The following IFT22 variants were observed in gnomAD, a reference collection of about 807,000 sequenced individuals.
IFT22 encodes intraflagellar transport 22.
IFT22 carries 13 observed loss-of-function variants against 21.0 expected under a neutral mutation model. The observed-to-expected ratio is 0.62, with a 90% CI of 0.40 to 0.98. IFT22 has a LOEUF of 0.98. IFT22 is among the 50% of genes least tolerant of loss of function. The pLI, the probability that IFT22 is intolerant of heterozygous loss-of-function variation, is 0.00. For synonymous variants in IFT22, 67 were observed against 82.4 expected (o/e 0.81, Z 1.01); for missense variants, 227 against 228.9 (o/e 0.99, Z 0.06).
chr7:101,315,271 T>C lies in IFT22; in HGVS notation c.421A>G (p.Asn141Asp). 1 of 1,614,152 alleles carries C rather than the reference T, an allele frequency of 6.2e-7. No homozygotes were observed. Among genetic ancestry groups the C allele is most frequent in the Non-Finnish European group, 8.5e-7 (1 of 1,180,028 alleles). ...TTTGAGTGCACCAGCTTCAGCTTGT[T>C]CAAGGGTGGCGCTTGAAAATGAAGA... is the stretch of plus-strand genomic sequence containing the variant. ...KGSLSLSPPL[N>D]KLKLVHSNLE... The change falls in exon 5 of 5, where the codon AAC (asparagine) becomes GAC (aspartate). Residue 141 changes from asparagine to aspartate, a missense_variant. By Grantham distance (23) the Asn-to-Asp change is conservative. Coordinates refer to ENST00000315322, the MANE Select transcript of IFT22 (RefSeq NM_022777.4).
chr7:101,318,843 C>G, intron 2 of IFT22, 113 bp downstream of exon 2: 1 of 797,986 alleles, frequency 1.3e-6, no homozygotes, highest in Non-Finnish European at 2.2e-6. Context: ...CCTATATTGC[C>G]CAGGCCTCAG....
In IFT22 at chr7:101,312,004, A is replaced by G. The variant is rs1421583537; in HGVS notation, c.*3130T>C. ...AAAAAAATCTCCTAAGATGATTAAA[A>G]CAAACTTGCTTCTACAATAAACCGT... On this transcript the variant is annotated 3_prime_UTR_variant, in exon 5 of 5. Coordinates refer to ENST00000315322, the MANE Select transcript of IFT22 (RefSeq NM_022777.4). Among the ~76,000 whole-genome samples, 2 of 152,284 alleles carry G rather than the reference A, an allele frequency of 1.3e-5. No individual in the cohort carries two copies. The highest frequency in any genetic ancestry group is 3.9e-4 in the East Asian group (2 of 5,184).
In IFT22 at chr7:101,315,055, G is replaced by T. The variant is rs1223239767; in HGVS notation, c.*79C>A. ...AGTCAGAGGGAGAAGAAAACATCAG[G>T]AGCTGGATGTGATTTCAGATCTGCA... On this transcript the variant is annotated 3_prime_UTR_variant, in exon 5 of 5. Transcript: ENST00000315322. 2.0e-6 allele frequency: 3 copies of T among 1,473,324 alleles called. No homozygotes were observed. The highest frequency in any genetic ancestry group is 2.8e-6 in the Non-Finnish European group (3 of 1,084,672). The allele number at this position is 1,473,324 out of a possible 1,614,324, so 91.3% of individuals were successfully genotyped here.
At chr7:101,317,269 G>T (rs4729686) in intron 3 of IFT22, among the ~76,000 whole-genome samples, 1 of 151,856 alleles carries the variant, frequency 6.6e-6, no homozygotes, top group Non-Finnish European at 1.5e-5. Flanking sequence ...AGCGATTCTC[G>T]TGCCTCAGTC....
At position 101,318,194 on chromosome 7, in the gene IFT22, G is replaced by T; in HGVS notation, c.136C>A (p.Pro46Thr). The T allele has an allele frequency of 1.9e-6, 3 of 1,613,208 alleles. No homozygotes were observed. The highest frequency in any genetic ancestry group is 2.5e-6 in the Non-Finnish European group (3 of 1,179,366). The change falls in exon 3 of 5, where the codon CCG (proline) becomes ACG (threonine). Residue 46 changes from proline to threonine, a missense_variant. By Grantham distance (38) the Pro-to-Thr change is conservative. Transcript: ENST00000315322. ...QGVRILEFEN[P>T]HVTSNNKGTG... The stretch of plus-strand genomic sequence containing the variant: ...CCTTTGTTGTTGCTGGTAACATGCG[G>T]GTTCTCAAATTCTAGGATCCTAAAA...
chr7:101,321,750 G>T lies in IFT22; in HGVS notation c.-41C>A. 1 of 1,566,556 alleles carries T rather than the reference G, an allele frequency of 6.4e-7. No individual in the cohort carries two copies. Among genetic ancestry groups the T allele is most frequent in the Non-Finnish European group, 8.7e-7 (1 of 1,155,078 alleles). ...CTTAGCCGGCCGGAGCCCACGGGAG[G>T]CGGCGCGTCAGGACGGAGCTCTACT... is the stretch of plus-strand genomic sequence containing the variant. On this transcript the variant is annotated 5_prime_UTR_variant, in exon 1 of 5. Transcript: ENST00000315322.
rs999590005 is a variant in IFT22, at chr7:101,314,558, G to A, written c.*576C>T. On this transcript the variant is annotated 3_prime_UTR_variant, in exon 5 of 5. Coordinates refer to ENST00000315322, the MANE Select transcript of IFT22 (RefSeq NM_022777.4). ...ATCGGCCTATTAGGTTGGTGCAAAA[G>A]TAATAGTGGCTTTTGCCATTAAAAA... The A allele has an allele frequency of 1.3e-5, 2 of 152,192 alleles. No homozygotes were observed. Among genetic ancestry groups the A allele is most frequent in the African/African-American group, 4.8e-5 (2 of 41,432 alleles). The allele number at this position is 152,192 out of a possible 1,614,324, so 9.4% of individuals were successfully genotyped here. A position where few individuals can be genotyped will look rare whatever the true frequency, so the allele number is the denominator to read the frequency against.
At chr7:101,317,858 G>A (rs1450131791) in intron 3 of IFT22, among the ~76,000 whole-genome samples, 2 of 151,978 alleles carry the variant, frequency 1.3e-5, no homozygotes, top group Non-Finnish European at 1.5e-5. Context: ...TGCAACCTCC[G>A]CCTCCAGGTT....
In IFT22 at chr7:101,321,721, G is replaced by A. The variant is rs1406769063; in HGVS notation, c.-12C>T. 14 of 1,594,246 alleles carry A rather than the reference G, an allele frequency of 8.8e-6. No homozygotes were observed. The highest frequency in any genetic ancestry group is 1.1e-5 in the South Asian group (1 of 88,718). ...TTGGCTTTCAGCATAGTTGTCCGCC[G>A]CGGCTTAGCCGGCCGGAGCCCACGG... On this transcript the variant is annotated 5_prime_UTR_variant, in exon 1 of 5. Transcript: ENST00000315322.
intron 1 of IFT22, 40 bp from the exon 2 acceptor site, chr7:101,319,072 C>T: frequency 6.2e-7 from 1 of 1,609,068 alleles, no homozygotes; most frequent in Non-Finnish European, 8.5e-7. Flanking sequence ...TGCTGAAAGG[C>T]AGAAAAGGAA....
chr7:101,315,225 T>C lies in IFT22; in HGVS notation c.467A>G (p.Glu156Gly), dbSNP rs1460702858. The C allele has an allele frequency of 6.2e-7, 1 of 1,614,134 alleles. No homozygotes were observed. Among genetic ancestry groups the C allele is most frequent in the Non-Finnish European group, 8.5e-7 (1 of 1,180,008 alleles). The change falls in exon 5 of 5, where the codon GAG (glutamate) becomes GGG (glycine). Residue 156 changes from glutamate to glycine, a missense_variant. Glu to Gly is a moderately conservative substitution (Grantham distance 98, BLOSUM62 -2). Coordinates refer to ENST00000315322, the MANE Select transcript of IFT22 (RefSeq NM_022777.4). Reference protein sequence around the residue: ...VHSNLEDDPEEIRMEFIKYLK... With the variant: ...VHSNLEDDPEGIRMEFIKYLK... The stretch of plus-strand genomic sequence containing the variant: ...ATACTTTATGAATTCCATCCGGATC[T>C]CCTCAGGGTCATCTTCCAGGTTTGA...
intron 1 of IFT22, among the ~76,000 whole-genome samples, chr7:101,319,945 C>T (rs1790282241): frequency 6.6e-6 from 1 of 151,016 alleles, no homozygotes; most frequent in Non-Finnish European, 1.5e-5. Context: ...TGGCCTAAGA[C>T]TTCTACAGGT....
chr7:101,311,368 G>A lies in IFT22; in HGVS notation c.*3766C>T, dbSNP rs1442778711. On this transcript the variant is annotated 3_prime_UTR_variant, in exon 5 of 5. Coordinates refer to ENST00000315322, the MANE Select transcript of IFT22 (RefSeq NM_022777.4). ...ATTTCCTTTTGAGGTGGTCAATTTT[G>A]TGAGATGGATTCTTGTTAGGCAGCT... Among the ~76,000 whole-genome samples, 2 of 152,118 alleles carry A rather than the reference G, an allele frequency of 1.3e-5. No individual in the cohort carries two copies. The highest frequency in any genetic ancestry group is 3.9e-4 in the East Asian group (2 of 5,192).
At position 101,318,968 on chromosome 7, in the gene IFT22, G is replaced by T. The variant is rs1288011393; in HGVS notation, c.104C>A (p.Thr35Asn). 2 of 1,613,646 alleles carry T rather than the reference G, an allele frequency of 1.2e-6. No individual in the cohort carries two copies. The highest frequency in any genetic ancestry group is 1.7e-6 in the Non-Finnish European group (2 of 1,179,694). The change falls in exon 2 of 5, where the codon ACC (threonine) becomes AAC (asparagine). Residue 35 changes from threonine (T) to asparagine (N), a missense_variant. Coordinates refer to ENST00000315322, the MANE Select transcript of IFT22 (RefSeq NM_022777.4). ...ESSDITEYSPTQGVRILEFEN... is the reference protein window; with the variant it reads ...ESSDITEYSPNQGVRILEFEN... ...TGTCAGGGCTCACCTCACTCCTTGG[G>T]TTGGGCTGTATTCAGTGATGTCAGA...
At chr7:101,317,892 T>C (rs533091997) in intron 3 of IFT22, among the ~76,000 whole-genome samples, 3 of 152,200 alleles carry the variant, frequency 2.0e-5, no homozygotes, top group African/African-American at 7.2e-5. Context: ...TGCCTCAGCC[T>C]CCCAACTGGG....
chr7:101,310,989 ATTTTTT>A lies in IFT22; in HGVS notation c.*4139_*4144del, dbSNP rs934461106. The A allele has an allele frequency of 1.5e-4, 37 of 239,784 alleles. No individual in the cohort carries two copies. Among genetic ancestry groups the A allele is most frequent in the African/African-American group, 3.1e-4 (11 of 35,464 alleles). 14.9% of individuals were successfully genotyped at this position (239,784 alleles called of 1,614,324 possible). Reference sequence around the variant, plus strand: ...CAGGTGAACAAAATCTGCTGGGTTAATTTTTTTTTTTTTTTTTTTTTTGAGATGGAG... The same window carrying A: ...CAGGTGAACAAAATCTGCTGGGTTAATTTTTTTTTTTTTTTTGAGATGGAG... On this transcript the variant is annotated 3_prime_UTR_variant, in exon 5 of 5. Coordinates refer to ENST00000315322, the MANE Select transcript of IFT22 (RefSeq NM_022777.4).
chr7:101,317,762 G>T (rs1275377352), intron 3 of IFT22, among the ~76,000 whole-genome samples: 1 of 151,952 alleles, frequency 6.6e-6, no homozygotes, highest in Non-Finnish European at 1.5e-5. Context: ...TGTCGCCCAG[G>T]CTGGAGTACA....
Position 101,321,674 on chromosome 7 carries a change from G to C in IFT22, c.36C>G (p.Cys12Trp). The change falls in exon 1 of 5, where the codon TGC becomes TGG. Residue 12 changes from cysteine to tryptophan, a missense_variant. Transcript: ENST00000315322. The part of the protein sequence containing the change: ...LKAKILFVGP[C>W]ESGKTVLANF... ...GCCGCGCCGGGCCAGGACTTACCTC[G>C]CAAGGCCCCACGAAGAGGATCTTGG... is the stretch of plus-strand genomic sequence containing the variant. 2 of 1,601,940 alleles carry C rather than the reference G, an allele frequency of 1.2e-6. No homozygotes were observed. Among genetic ancestry groups the C allele is most frequent in the Non-Finnish European group, 8.5e-7 (1 of 1,174,548 alleles).
Position 101,321,783 on chromosome 7 carries a change from T to C in IFT22, c.-74A>G. 1 of 1,429,450 alleles carries C rather than the reference T, an allele frequency of 7.0e-7. No homozygotes were observed. Among genetic ancestry groups the C allele is most frequent in the Non-Finnish European group, 9.3e-7 (1 of 1,073,910 alleles). The allele number at this position is 1,429,450 out of a possible 1,614,324, so 88.5% of individuals were successfully genotyped here. ...TCAGGACGGAGCTCTACTTGGCCGC[T>C]TTCGTTTCCATGGCGACGGAGAGAG... On this transcript the variant is annotated 5_prime_UTR_variant, in exon 1 of 5. Transcript: ENST00000315322.
Sources: gnomAD v4.1 joint callset for allele counts (sites outside exome capture counted in the v4.1 genomes callset) on GRCh38, gnomAD v4.1.1 for gene constraint, MANE v1.5 for transcripts, NCBI Gene and HGNC (gene_info 2026-07-23, HGNC 2026-07-21) for gene names.